Variants in LYAR observed in about 807,000 individuals in gnomAD.
The protein encoded by LYAR is Ly1 antibody reactive, also known as cell growth-regulating nucleolar protein.
LYAR carries 37 observed loss-of-function variants against 45.2 expected under a neutral mutation model. The observed-to-expected ratio is 0.82, with a 90% CI of 0.63 to 1.08. LYAR has a LOEUF of 1.08. LYAR is among the 50% of genes least tolerant of loss of function. The probability of loss-of-function intolerance (pLI) is 0.00; values close to 1 mark genes in which losing one functional copy is unlikely to be tolerated. For synonymous variants in LYAR, 176 were observed against 155.1 expected (o/e 1.14, Z -1.00); for missense variants, 493 against 451.0 (o/e 1.09, Z -0.84).
At chr4:4,268,816 G>A (rs773359108) in intron 8 of LYAR, 1 of 486,390 alleles carries the variant, frequency 2.1e-6, no homozygotes, top group Non-Finnish European at 3.6e-6. Context: ...GCTCTTAAGA[G>A]TGAGCAGGTG....
intron 1 of LYAR, among the ~76,000 whole-genome samples, 188 bp from the exon 2 acceptor site, chr4:4,286,760 C>T (rs1404147502): frequency 1.3e-5 from 2 of 149,536 alleles, no homozygotes; most frequent in Non-Finnish European, 2.9e-5. Flanking sequence ...CATTCTCTTG[C>T]CTCAGCCTCC....
intron 6 of LYAR, 36 bp from the exon 7 acceptor site, chr4:4,274,805 T>A: frequency 6.5e-7 from 1 of 1,548,534 alleles, no homozygotes; most frequent in Admixed American, 2.1e-5. Flanking sequence ...CACATATTCA[T>A]TTTAAATGTG....
chr4:4,283,899 AG>A (rs1719501638), intron 2 of LYAR, 104 bp from the exon 3 acceptor site: 1 of 571,516 alleles, frequency 1.7e-6, no homozygotes, highest in African/African-American at 1.9e-5. Flanking sequence ...AAAATAACAG[AG>A]TCAAAGTTGA....
At chr4:4,270,268 TA>T (rs11377872) in intron 8 of LYAR, among the ~76,000 whole-genome samples, 2,100 of 121,940 alleles carry the variant, frequency 0.017, 58 homozygotes, top group African/African-American at 0.059. Flanking sequence ...TGTTGATTTG[TA>T]AAAAAAAAAA....
At chr4:4,270,677 T>G (rs1040536274) in intron 8 of LYAR, among the ~76,000 whole-genome samples, 2 of 151,954 alleles carry the variant, frequency 1.3e-5, no homozygotes, top group African/African-American at 4.8e-5. Flanking sequence ...CAGAAGAAGG[T>G]GCTCAACAAC....
intron 6 of LYAR, among the ~76,000 whole-genome samples, chr4:4,275,157 C>T (rs572195732): frequency 3.9e-5 from 6 of 152,194 alleles, no homozygotes; most frequent in Non-Finnish European, 8.8e-5. Context: ...AGCTCCAGTT[C>T]TATTAATTCC....
At chr4:4,272,943 A>C (rs1719000393) in intron 8 of LYAR, among the ~76,000 whole-genome samples, 1 of 152,142 alleles carries the variant, frequency 6.6e-6, no homozygotes, top group Admixed American at 6.5e-5. Context: ...AGGCCTGAAG[A>C]AGCAGGAGAG....
intron 7 of LYAR, 110 bp downstream of exon 7, chr4:4,274,257 A>T: frequency 8.1e-7 from 1 of 1,232,464 alleles, no homozygotes; most frequent in Non-Finnish European, 1.1e-6. Flanking sequence ...AAAAAAAAAA[A>T]AACCACACAC....
intron 8 of LYAR, among the ~76,000 whole-genome samples, chr4:4,272,845 G>C (rs1356316187): frequency 6.6e-6 from 1 of 152,174 alleles, no homozygotes. Flanking sequence ...TGAGTCTTTG[G>C]ACCTGTTCTG....
intron 8 of LYAR, among the ~76,000 whole-genome samples, chr4:4,272,207 T>A (rs1399913054): frequency 2.0e-5 from 3 of 152,184 alleles, no homozygotes; most frequent in Non-Finnish European, 4.4e-5. Context: ...GTGTAAAGTG[T>A]TATCCTGGGT....
At chr4:4,275,043 A>C (rs1443456662) in intron 6 of LYAR, among the ~76,000 whole-genome samples, 1 of 152,212 alleles carries the variant, frequency 6.6e-6, no homozygotes, top group Non-Finnish European at 1.5e-5. Context: ...GTCGCTGAAG[A>C]TAAGACCTTT....
At position 4,268,568 on chromosome 4, in the gene LYAR, G is replaced by A. The variant is rs879091810; in HGVS notation, c.967C>T (p.Pro323Ser). 1.2e-6 allele frequency: 2 copies of A among 1,612,278 alleles called. No individual in the cohort carries two copies. Among genetic ancestry groups the A allele is most frequent in the South Asian group, 1.1e-5 (1 of 90,800 alleles). ...GTIKAILKQA[P>S]DNEITIKKLR... is the part of the protein sequence containing the mutation. ...TTTTTGATGGTTATTTCATTGTCTG[G>A]GGCCTGTTTCAGAATTGCTTTAATA... Residue 323 changes from proline to serine, a missense_variant, in exon 9 of 10, where the codon CCA (proline) becomes TCA (serine). Pro to Ser is a moderately conservative substitution (Grantham distance 74). Transcript: ENST00000343470.
chr4:4,269,074 C>T (rs1419800674), intron 8 of LYAR: 6 of 153,594 alleles, frequency 3.9e-5, no homozygotes, highest in African/African-American at 1.4e-4. Flanking sequence ...CCCCTTCCTC[C>T]TGCCCACTAC....
chr4:4,287,488 G>T (rs1470968541), intron 1 of LYAR, among the ~76,000 whole-genome samples: 1 of 152,166 alleles, frequency 6.6e-6, no homozygotes, highest in Non-Finnish European at 1.5e-5. Flanking sequence ...AGATGACGGG[G>T]TCTGCACCAT....
intron 1 of LYAR, among the ~76,000 whole-genome samples, chr4:4,288,716 C>A (rs1719725626): frequency 6.6e-6 from 1 of 152,304 alleles, no homozygotes; most frequent in Middle Eastern, 3.4e-3. Flanking sequence ...GAACTCTTGA[C>A]CTCAGGTGAT....
chr4:4,273,055 A>T (rs950288404), intron 8 of LYAR, among the ~76,000 whole-genome samples: 1 of 152,216 alleles, frequency 6.6e-6, no homozygotes, highest in African/African-American at 2.4e-5. Flanking sequence ...ACAGGCCCAG[A>T]GATGGGCAGG....
At chr4:4,280,562 A>T (rs904771166) in intron 4 of LYAR, among the ~76,000 whole-genome samples, 2 of 152,284 alleles carry the variant, frequency 1.3e-5, no homozygotes, top group South Asian at 2.1e-4. Context: ...TAGTTTGCTG[A>T]CCCCTGCTTC....
intron 1 of LYAR, chr4:4,289,710 G>A (rs1719779901): frequency 6.6e-6 from 1 of 152,226 alleles, no homozygotes; most frequent in Admixed American, 6.5e-5. Context: ...CTCCTCTTTA[G>A]GGACTGATCT....
At position 4,274,476 on chromosome 4, in the gene LYAR, G is replaced by A. The variant is rs759231247; in HGVS notation, c.723C>T (p.Ala241=). The change falls in exon 7 of 10, where the codon GCC becomes GCT. Residue 241 remains alanine, a synonymous_variant. Coordinates refer to ENST00000343470, the MANE Select transcript of LYAR (RefSeq NM_017816.3). ...LEAGGEEVPE[A]NGSAGKRSKK... is the part of the protein sequence containing the mutation. ...TGCTCCTCTTCCCTGCAGAGCCATT[G>A]GCCTCAGGGACTTCCTCCCCACCAG... 6.2e-7 allele frequency: 1 copy of A among 1,614,046 alleles called. No homozygotes were observed. The highest frequency in any genetic ancestry group is 8.5e-7 in the Non-Finnish European group (1 of 1,180,006).
Sources: gnomAD v4.1 joint callset for allele counts (sites outside exome capture counted in the v4.1 genomes callset) on GRCh38, gnomAD v4.1.1 for gene constraint, MANE v1.5 for transcripts, NCBI Gene and HGNC (gene_info 2026-07-23, HGNC 2026-07-21) for gene names.